Variants in MPRIP observed in about 807,000 individuals in gnomAD.
MPRIP encodes myosin phosphatase Rho-interacting protein.
In MPRIP, 59 loss-of-function variants were observed where a neutral mutation model predicts 234.9. That is an observed-to-expected ratio of 0.25 (90% confidence interval 0.20 to 0.31). The LOEUF (loss-of-function observed/expected upper bound fraction) is 0.31, where lower values mean the gene tolerates loss of function less well. Ranked by LOEUF, MPRIP falls within the 10% of genes least tolerant of loss-of-function variation. The pLI is 1.00. For missense variants in MPRIP, 2,436 were observed against 3,071.0 expected (o/e 0.79, Z 4.89); for synonymous variants, 1,144 against 1,263.9 (o/e 0.91, Z 2.01).
intron 1 of MPRIP, among the ~76,000 whole-genome samples, chr17:17,066,381 G>A (rs1182888232): frequency 6.6e-6 from 1 of 152,174 alleles, no homozygotes; most frequent in African/African-American, 2.4e-5. Context: ...TGCTTTTTCT[G>A]CATCAGTTGA....
At chr17:17,100,775 G>A (rs1250569356) in intron 3 of MPRIP, among the ~76,000 whole-genome samples, 1 of 152,030 alleles carries the variant, frequency 6.6e-6, no homozygotes, top group African/African-American at 2.4e-5. Context: ...TGGTGAGTAT[G>A]TAATAATAAT....
chr17:17,160,908 G>A (rs7219836), intron 14 of MPRIP, among the ~76,000 whole-genome samples: 8,710 of 152,248 alleles, frequency 0.057, 790 homozygotes, highest in African/African-American at 0.19. Flanking sequence ...TGAACACCCC[G>A]TATGGGCCTT....
intron 3 of MPRIP, among the ~76,000 whole-genome samples, chr17:17,086,184 A>G (rs1341430164): frequency 6.6e-6 from 1 of 152,214 alleles, no homozygotes; most frequent in Non-Finnish European, 1.5e-5. Flanking sequence ...TTGTGTTCAC[A>G]AGGAGAAGCG....
In MPRIP at chr17:17,154,396, A is replaced by G. The variant is rs552427974; in HGVS notation, c.1810A>G (p.Thr604Ala). 3 of 1,614,006 alleles carry G rather than the reference A, an allele frequency of 1.9e-6. No individual in the cohort carries two copies. The highest frequency in any genetic ancestry group is 2.2e-5 in the East Asian group (1 of 44,886). Residue 604 changes from threonine (T) to alanine (A), a missense_variant, in exon 13 of 24, where the codon ACT becomes GCT. By Grantham distance (58) the Thr-to-Ala change is moderately conservative (BLOSUM62 0). Transcript: ENST00000651222. ...QTIMKHVHPT[T>A]APDVTSSLPE... is the part of the protein sequence containing the mutation. Reference sequence around the variant, plus strand: ...CATCATGAAGCACGTGCACCCGACCACTGCCCCGGATGTGACCAGGTAGGA... The same window carrying G: ...CATCATGAAGCACGTGCACCCGACCGCTGCCCCGGATGTGACCAGGTAGGA...
rs142916698 is a variant in MPRIP at position 17,116,481 on chromosome 17, G to A, written c.268-10221G>A. Among the ~76,000 whole-genome samples the A allele has an allele frequency of 4.7e-3, 716 of 152,320 alleles. 11 individuals carry two copies. Among genetic ancestry groups the A allele is most frequent in the Non-Finnish European group, 4.4e-3 (302 of 68,010 alleles). On this transcript the variant is annotated intron_variant, in intron 3 of 23. Transcript: ENST00000651222. Reference sequence around the variant, plus strand: ...AGTTGAGTTGTGGGTTGGCTTGGCCGGATCTATGTTCATGAAGAATGGTTC... The same window carrying A: ...AGTTGAGTTGTGGGTTGGCTTGGCCAGATCTATGTTCATGAAGAATGGTTC...
At chr17:17,176,534 A>C (rs748713202) in intron 21 of MPRIP, 22 bp downstream of exon 21, 2 of 1,598,376 alleles carry the variant, frequency 1.3e-6, no homozygotes, top group African/African-American at 2.7e-5. Flanking sequence ...GCACCACAGG[A>C]GGGCGGGTAC....
At chr17:17,105,774 C>T (rs1446510679) in intron 3 of MPRIP, among the ~76,000 whole-genome samples, 1 of 152,214 alleles carries the variant, frequency 6.6e-6, no homozygotes, top group Non-Finnish European at 1.5e-5. Flanking sequence ...TCAGCCATTA[C>T]CAGCCTGGTG....
chr17:17,077,808 G>T, intron 2 of MPRIP: 3 of 572,572 alleles, frequency 5.2e-6, no homozygotes, highest in Non-Finnish European at 6.3e-6. Context: ...ATGTGATTTG[G>T]GCCTGTCTCC....
chr17:17,191,740 A>G lies in MPRIP; in HGVS notation c.*6846A>G, dbSNP rs1362751553. Reference sequence around the variant, plus strand: ...TGCCCCCCACTGCCCTTGAGAAGTTAGTGGTGTCACATCCTTAGTTTTATA... The same window carrying G: ...TGCCCCCCACTGCCCTTGAGAAGTTGGTGGTGTCACATCCTTAGTTTTATA... On this transcript the variant is annotated 3_prime_UTR_variant, in exon 24 of 24. Coordinates refer to ENST00000651222, the MANE Select transcript of MPRIP (RefSeq NM_001364716.4). 1 of 152,288 alleles carries G rather than the reference A, an allele frequency of 6.6e-6. No homozygotes were observed. Among genetic ancestry groups the G allele is most frequent in the African/African-American group, 2.4e-5 (1 of 41,472 alleles). 9.4% of individuals were successfully genotyped at this position (152,288 alleles called of 1,614,324 possible). A position where few individuals can be genotyped will look rare whatever the true frequency, so the allele number is the denominator to read the frequency against.
At chr17:17,142,481 G>A (rs1057248932) in intron 7 of MPRIP, 146 bp from the exon 8 acceptor site, 1 of 900,920 alleles carries the variant, frequency 1.1e-6, no homozygotes, top group Non-Finnish European at 1.7e-6. Flanking sequence ...GCTCGGGTCA[G>A]CTGAGCACGT....
chr17:17,148,821 C>T (rs939630967), intron 11 of MPRIP, among the ~76,000 whole-genome samples: 1 of 152,142 alleles, frequency 6.6e-6, no homozygotes, highest in African/African-American at 2.4e-5. Flanking sequence ...TTGGCTCATT[C>T]CTCTAAGGAA....
At chr17:17,096,002 C>CA (rs1360954770) in intron 3 of MPRIP, among the ~76,000 whole-genome samples, 3 of 152,070 alleles carry the variant, frequency 2.0e-5, no homozygotes, top group African/African-American at 7.2e-5. Context: ...ACCTCCCCCC[C>CA]ACACACACTT....
Position 17,172,582 on chromosome 17 carries a change from C to T in MPRIP, c.6473-116C>T, listed in dbSNP as rs2046163775. 8.1e-6 allele frequency: 6 copies of T among 737,024 alleles called. 1 individual carries two copies. The highest frequency in any genetic ancestry group is 5.0e-5 in the Admixed American group (2 of 39,940). The allele number at this position is 737,024 out of a possible 1,614,324, so 45.7% of individuals were successfully genotyped here. On this transcript the variant is annotated intron_variant, in intron 17 of 23. Coordinates refer to ENST00000651222, the MANE Select transcript of MPRIP (RefSeq NM_001364716.4). ...CATGCAAAATCCAACTGCTGATTGA[C>T]TAAGCAAGCATCAGCAGTGGCAGGC...
At chr17:17,179,924 G>T in intron 22 of MPRIP, 79 bp from the exon 23 acceptor site, 2 of 1,175,608 alleles carry the variant, frequency 1.7e-6, no homozygotes, top group Non-Finnish European at 2.5e-6. Flanking sequence ...CTTGGGAAAT[G>T]TTTCAGGATT....
chr17:17,173,973 G>A lies in MPRIP; in HGVS notation c.6648G>A (p.Gln2216=), dbSNP rs776138574. The change falls in exon 19 of 24, where the codon CAG becomes CAA. Residue 2216 remains glutamine, a synonymous_variant. Transcript: ENST00000651222. ...ELEVLSEQYS[Q]KCLENAHLAQ... is the part of the protein sequence containing the mutation. ...AGGTCCTCTCGGAGCAGTACTCGCAGAAGTGCCTGGAGAATGCCCATCTGG... is the reference window on the plus strand; with the variant it reads ...AGGTCCTCTCGGAGCAGTACTCGCAAAAGTGCCTGGAGAATGCCCATCTGG... 5 of 1,613,744 alleles carry A rather than the reference G, an allele frequency of 3.1e-6. No individual in the cohort carries two copies. The highest frequency in any genetic ancestry group is 3.4e-6 in the Non-Finnish European group (4 of 1,180,026).
chr17:17,172,548 C>T, intron 17 of MPRIP, 150 bp from the exon 18 acceptor site: 1 of 609,802 alleles, frequency 1.6e-6, no homozygotes. Context: ...TCATGAGGGG[C>T]CAGCCTGTCA....
At chr17:17,073,000 T>G (rs1330843047) in intron 1 of MPRIP, among the ~76,000 whole-genome samples, 1 of 152,182 alleles carries the variant, frequency 6.6e-6, no homozygotes, top group African/African-American at 2.4e-5. Flanking sequence ...ATTTTTAGGA[T>G]ATTCCAACTG....
At chr17:17,125,750 G>A (rs972389808) in intron 3 of MPRIP, among the ~76,000 whole-genome samples, 1 of 152,230 alleles carries the variant, frequency 6.6e-6, no homozygotes, top group Non-Finnish European at 1.5e-5. Context: ...CAGCCCAACT[G>A]CAGGCCACCC....
chr17:17,095,701 G>C (rs1006801891), intron 3 of MPRIP, among the ~76,000 whole-genome samples: 1 of 152,106 alleles, frequency 6.6e-6, no homozygotes, highest in African/African-American at 2.4e-5. Flanking sequence ...TCAGTATATA[G>C]GATTCTCTGG....
Sources: gnomAD v4.1 joint callset for allele counts (sites outside exome capture counted in the v4.1 genomes callset) on GRCh38, gnomAD v4.1.1 for gene constraint, MANE v1.5 for transcripts, NCBI Gene and HGNC (gene_info 2026-07-23, HGNC 2026-07-21) for gene names.